Variants in LANCL1 observed in about 807,000 individuals in gnomAD.
LANCL1 encodes the protein LanC like glutathione S-transferase 1.
In LANCL1, 50 loss-of-function variants were observed where a neutral mutation model predicts 50.6. That is an observed-to-expected ratio of 0.99 (90% confidence interval 0.79 to 1.25). The LOEUF is 1.25. Among genes scored for constraint, LANCL1 ranks in the 50% most tolerant of loss-of-function variants. The pLI is 0.00. For missense variants in LANCL1, 532 were observed against 480.7 expected (o/e 1.11, Z -1.00); for synonymous variants, 188 against 178.6 (o/e 1.05, Z -0.42).
In LANCL1 at chr2:210,441,369, G is replaced by C. The variant is rs1693127156; in HGVS notation, c.482C>G (p.Ala161Gly). 6.2e-7 allele frequency: 1 copy of C among 1,613,204 alleles called. No homozygotes were observed. Among genetic ancestry groups the C allele is most frequent in the Non-Finnish European group, 8.5e-7 (1 of 1,179,332 alleles). Residue 161 changes from alanine (A) to glycine (G), a missense_variant, in exon 5 of 10, where the codon GCT becomes GGT. Transcript: ENST00000450366. ...MLYGRIGYIY[A>G]LLFVNKNFGV... ...AAAGTTCTTATTGACAAAAAGAAGA[G>C]CATAGATGTAGCCTATTCGCCCATA...
chr2:210,462,417 C>T (rs995473288), intron 3 of LANCL1, among the ~76,000 whole-genome samples: 7 of 152,212 alleles, frequency 4.6e-5, no homozygotes, highest in African/African-American at 4.8e-5. Context: ...TGATGCATTA[C>T]GCTCCCATGT....
At chr2:210,472,186 T>C (rs1694246923) in intron 2 of LANCL1, 110 bp from the exon 3 acceptor site, 1 of 709,708 alleles carries the variant, frequency 1.4e-6, no homozygotes, top group African/African-American at 1.8e-5. Context: ...GACATATTTT[T>C]CCACCTGGAA....
intron 4 of LANCL1, among the ~76,000 whole-genome samples, chr2:210,445,330 T>C (rs1693286080): frequency 6.6e-6 from 1 of 152,218 alleles, no homozygotes; most frequent in South Asian, 2.1e-4. Flanking sequence ...CAATATATAA[T>C]TAGCATTCCA....
intron 5 of LANCL1, 126 bp from the exon 6 acceptor site, chr2:210,440,870 G>C: frequency 1.3e-6 from 1 of 784,238 alleles, no homozygotes; most frequent in Non-Finnish European, 2.0e-6. Context: ...TATAGCCAGG[G>C]AAAGGCACAG....
At chr2:210,443,847 T>C (rs1233886414) in intron 4 of LANCL1, among the ~76,000 whole-genome samples, 1 of 152,098 alleles carries the variant, frequency 6.6e-6, no homozygotes, top group Non-Finnish European at 1.5e-5. Flanking sequence ...ACCAGAGAAT[T>C]TGTTATTATT....
chr2:210,441,934 C>T (rs984814627), intron 4 of LANCL1, among the ~76,000 whole-genome samples: 21 of 148,150 alleles, frequency 1.4e-4, no homozygotes, highest in Non-Finnish European at 2.7e-4. Context: ...GAGACAGTTT[C>T]GCTCTTCTTG....
At chr2:210,445,681 T>A (rs1693302121) in intron 4 of LANCL1, among the ~76,000 whole-genome samples, 1 of 152,186 alleles carries the variant, frequency 6.6e-6, no homozygotes, top group African/African-American at 2.4e-5. Flanking sequence ...TCAGAAACTC[T>A]CAAACTAACA....
Position 210,436,337 on chromosome 2 carries a change from C to T in LANCL1, c.929G>A (p.Trp310Ter). The T allele has an allele frequency of 6.2e-7, 1 of 1,614,008 alleles. No individual in the cohort carries two copies. The highest frequency in any genetic ancestry group is 8.5e-7 in the Non-Finnish European group (1 of 1,179,946). ...CDAYQCADVI[W>*]QYGLLKKGYG... ...TCCCTTCTTCAGCAACCCATATTGC[C>T]AGATCACATCAGCACACTGATAGGC... Residue 310 changes from tryptophan (W) to a stop codon, truncating the protein, a stop_gained, in exon 8 of 10, where the codon TGG (tryptophan) becomes TAG (stop). Transcript: ENST00000450366. LOFTEE classifies it high-confidence loss of function.
intron 4 of LANCL1, among the ~76,000 whole-genome samples, chr2:210,441,928 C>G (rs1347375229): frequency 1.4e-5 from 2 of 147,886 alleles, no homozygotes; most frequent in African/African-American, 5.0e-5. Context: ...TTTTTTGAGA[C>G]AGTTTCGCTC....
At chr2:210,474,792 A>C (rs1224742806) in intron 2 of LANCL1, among the ~76,000 whole-genome samples, 2 of 150,884 alleles carry the variant, frequency 1.3e-5, no homozygotes, top group African/African-American at 4.8e-5. Context: ...CATTTACTTT[A>C]TAGGCAGTCT....
At chr2:210,466,523 T>G (rs1694066008) in intron 3 of LANCL1, among the ~76,000 whole-genome samples, 1 of 152,208 alleles carries the variant, frequency 6.6e-6, no homozygotes, top group Non-Finnish European at 1.5e-5. Context: ...CATAGCCGTC[T>G]TGCCTGTTTT....
intron 4 of LANCL1, among the ~76,000 whole-genome samples, chr2:210,443,659 T>C (rs1321353157): frequency 6.6e-6 from 1 of 152,222 alleles, no homozygotes; most frequent in Non-Finnish European, 1.5e-5. Flanking sequence ...ATGTCTGTCA[T>C]CTAACTTCAG....
intron 3 of LANCL1, among the ~76,000 whole-genome samples, chr2:210,461,198 T>C (rs1188025083): frequency 6.6e-6 from 1 of 152,016 alleles, no homozygotes; most frequent in Non-Finnish European, 1.5e-5. Flanking sequence ...TGGTGGTGTC[T>C]AAACTCCACA....
intron 3 of LANCL1, among the ~76,000 whole-genome samples, chr2:210,466,694 T>G (rs1210893653): frequency 1.3e-5 from 2 of 152,156 alleles, no homozygotes. Context: ...CCTCCTTTGA[T>G]TTTTCAGCTA....
At chr2:210,454,810 C>A (rs143384777) in intron 4 of LANCL1, among the ~76,000 whole-genome samples, 7 of 152,292 alleles carry the variant, frequency 4.6e-5, no homozygotes, top group Admixed American at 6.5e-5. Flanking sequence ...CCTTGAATTA[C>A]AGATCTTGGA....
rs1489651016 is a variant in LANCL1, at chr2:210,437,872, G to A, written c.691C>T (p.Pro231Ser). ...TTCCCTTGGCTCACTTGAAGGCTGG[G>A]CTAAAAATGAGAAGGAAATTATTAG... ...LAGIYYYLMQ[P>S]SLQVSQGKLH... Residue 231 changes from proline to serine, a missense_variant and splice_region_variant, in exon 7 of 10, where the codon CCC becomes TCC. Pro to Ser is a moderately conservative substitution (Grantham distance 74). Transcript: ENST00000450366. 2 of 1,579,278 alleles carry A rather than the reference G, an allele frequency of 1.3e-6. No homozygotes were observed. Among genetic ancestry groups the A allele is most frequent in the Non-Finnish European group, 8.6e-7 (1 of 1,164,608 alleles).
At chr2:210,434,886 T>C (rs939234774) in intron 9 of LANCL1, among the ~76,000 whole-genome samples, 1 of 151,876 alleles carries the variant, frequency 6.6e-6, no homozygotes, top group Non-Finnish European at 1.5e-5. Context: ...ATTAACAACA[T>C]TACAATATTA....
chr2:210,451,995 T>A lies in LANCL1; in HGVS notation c.407+3112A>T, dbSNP rs1289642324. 2.6e-5 allele frequency among the ~76,000 whole-genome samples: 4 copies of A among 152,036 alleles called. No homozygotes were observed. In the South Asian group the frequency reaches 8.3e-4, roughly 32 times the overall value. ...AAAATAAGCAAATTCATAGAAAAAGTAGAATATAGATTACCAGGGGATGAT... is the reference window on the plus strand; with the variant it reads ...AAAATAAGCAAATTCATAGAAAAAGAAGAATATAGATTACCAGGGGATGAT... On this transcript the variant is annotated intron_variant, in intron 4 of 9. Coordinates refer to ENST00000450366, the MANE Select transcript of LANCL1 (RefSeq NM_006055.3).
chr2:210,477,120 G>A (rs953063927), upstream of LANCL1, among the ~76,000 whole-genome samples: 1 of 151,576 alleles, frequency 6.6e-6, no homozygotes, highest in South Asian at 2.1e-4. Context: ...GTCTCTCCAG[G>A]GACTTGCCAA....
Sources: allele counts gnomAD v4.1 joint callset (sites outside exome capture counted in the v4.1 genomes callset), GRCh38; gene constraint gnomAD v4.1.1; transcripts MANE v1.5; gene names NCBI Gene and HGNC (gene_info 2026-07-23, HGNC 2026-07-21).